Variants in RBFOX1 observed in about 807,000 individuals in gnomAD.
RBFOX1 encodes RNA binding protein fox-1 homolog 1.
RBFOX1 carries 8 observed loss-of-function variants against 57.7 expected under a neutral mutation model. That is an observed-to-expected ratio of 0.14 (90% CI 0.08 to 0.25). The LOEUF is 0.25. RBFOX1 is among the 10% of genes least tolerant of loss of function. RBFOX1 has a pLI of 1.00. For synonymous variants in RBFOX1, 326 were observed against 222.4 expected (o/e 1.47, Z -4.15); for missense variants, 611 against 548.5 (o/e 1.11, Z -1.14).
intron 1 of RBFOX1, among the ~76,000 whole-genome samples, chr16:5,389,536 C>T (rs1035280980): frequency 6.6e-6 from 1 of 152,164 alleles, no homozygotes. Flanking sequence ...AATTGACATA[C>T]TCCTGTGTAT....
intron 4 of RBFOX1, among the ~76,000 whole-genome samples, chr16:7,505,584 G>A (rs1018759240): frequency 6.6e-6 from 1 of 152,198 alleles, no homozygotes; most frequent in Admixed American, 6.5e-5. Flanking sequence ...TTAAAGAGTT[G>A]AGAAAAACAG....
At chr16:7,387,082 T>C (rs767292624) in intron 4 of RBFOX1, among the ~76,000 whole-genome samples, 3 of 152,176 alleles carry the variant, frequency 2.0e-5, no homozygotes, top group Non-Finnish European at 4.4e-5. Context: ...GTTGTTTTTT[T>C]CTTGTAAATT....
At chr16:5,312,315 T>C (rs974891789) in intron 1 of RBFOX1, among the ~76,000 whole-genome samples, 2 of 152,140 alleles carry the variant, frequency 1.3e-5, no homozygotes, top group Non-Finnish European at 2.9e-5. Context: ...GACATGTCTT[T>C]TTCCTTTTTC....
At chr16:6,523,682 G>T (rs772408252) in intron 2 of RBFOX1, among the ~76,000 whole-genome samples, 1 of 151,994 alleles carries the variant, frequency 6.6e-6, no homozygotes. Flanking sequence ...GTCATGAATT[G>T]TTCAAATCTG....
intron 1 of RBFOX1, among the ~76,000 whole-genome samples, chr16:6,178,758 T>C (rs1188702261): frequency 6.6e-6 from 1 of 152,214 alleles, no homozygotes; most frequent in Non-Finnish European, 1.5e-5. Flanking sequence ...TGGATTAAAA[T>C]ATCTGTGTTT....
intron 2 of RBFOX1, among the ~76,000 whole-genome samples, chr16:5,596,248 A>G (rs1427690750): frequency 3.3e-5 from 5 of 152,100 alleles, no homozygotes; most frequent in African/African-American, 4.8e-5. Flanking sequence ...TAACTTGTCT[A>G]TTTCCAGGCT....
rs1325415085 is a variant in RBFOX1 at position 6,079,161 on chromosome 16, T to G, written c.-127+59169T>G. ...TCATCTCTACTGAAAATAAAGAAAATTACCAGCCGCATTACATGCCTGTAA... is the reference window on the plus strand; with the variant it reads ...TCATCTCTACTGAAAATAAAGAAAAGTACCAGCCGCATTACATGCCTGTAA... On this transcript the variant is annotated intron_variant, in intron 1 of 15. Coordinates refer to ENST00000550418, the MANE Select transcript of RBFOX1 (RefSeq NM_018723.4). Among the ~76,000 whole-genome samples, 5 of 34,674 alleles carry G rather than the reference T, an allele frequency of 1.4e-4. No individual in the cohort carries two copies. In the East Asian group the frequency reaches 5.4e-3, roughly 37 times the overall value. The allele number at this position is 34,674 out of a possible 152,430, so 22.7% of individuals were successfully genotyped here. A position where few individuals can be genotyped will look rare whatever the true frequency, so the allele number is the denominator to read the frequency against.
At chr16:5,542,141 G>A (rs1250665276) in intron 2 of RBFOX1, among the ~76,000 whole-genome samples, 1 of 151,818 alleles carries the variant, frequency 6.6e-6, no homozygotes, top group Non-Finnish European at 1.5e-5. Context: ...AGCATGGGAT[G>A]TCTTTCAAGA....
chr16:5,791,049 A>AG (rs1388851899), intron 3 of RBFOX1, among the ~76,000 whole-genome samples: 2 of 151,988 alleles, frequency 1.3e-5, no homozygotes, highest in African/African-American at 4.8e-5. Context: ...TTATATTTGT[A>AG]GTAGAGATGG....
chr16:6,949,403 G>T (rs377316137), intron 3 of RBFOX1, among the ~76,000 whole-genome samples: 6 of 152,242 alleles, frequency 3.9e-5, no homozygotes, highest in African/African-American at 1.4e-4. Flanking sequence ...GTATTAGCTG[G>T]CTAGGGGCAC....
intron 3 of RBFOX1, among the ~76,000 whole-genome samples, chr16:6,830,159 T>C (rs2092601864): frequency 6.6e-6 from 1 of 152,032 alleles, no homozygotes; most frequent in South Asian, 2.1e-4. Flanking sequence ...TCAGGTGATC[T>C]GCCCACCTAA....
At chr16:7,128,970 G>C (rs1475804319) in intron 4 of RBFOX1, among the ~76,000 whole-genome samples, 1 of 151,838 alleles carries the variant, frequency 6.6e-6, no homozygotes, top group African/African-American at 2.4e-5. Flanking sequence ...ACAGGTGCAT[G>C]ACACCACGCC....
chr16:5,990,484 C>T (rs1309712440), intron 4 of RBFOX1, among the ~76,000 whole-genome samples: 2 of 152,210 alleles, frequency 1.3e-5, no homozygotes, highest in African/African-American at 4.8e-5. Flanking sequence ...TCTGGCTTGA[C>T]CTATTCCATT....
chr16:5,833,165 T>A (rs1485957188), intron 3 of RBFOX1, among the ~76,000 whole-genome samples: 1 of 152,126 alleles, frequency 6.6e-6, no homozygotes, highest in Non-Finnish European at 1.5e-5. Context: ...TGACATCTCC[T>A]CCTAATTTTC....
chr16:6,013,045 A>G (rs928203214), intron 4 of RBFOX1, among the ~76,000 whole-genome samples: 3 of 152,122 alleles, frequency 2.0e-5, no homozygotes, highest in African/African-American at 4.8e-5. Flanking sequence ...TAATATGTTA[A>G]TTATATCATC....
chr16:7,029,287 C>CATATATATATACGTATATGT (rs2042173523), intron 3 of RBFOX1, among the ~76,000 whole-genome samples: 1 of 102,272 alleles, frequency 9.8e-6, no homozygotes, highest in Non-Finnish European at 2.0e-5. Context: ...TATATATACA[C>CATATATATATACGTATATGT]ATATATATAT....
intron 3 of RBFOX1, among the ~76,000 whole-genome samples, chr16:6,930,826 T>A (rs536903163): frequency 3.3e-5 from 5 of 152,268 alleles, no homozygotes; most frequent in Non-Finnish European, 5.9e-5. Context: ...GCAAATGTCA[T>A]CTTGTAAGAG....
At chr16:6,756,407 C>G (rs2075796400) in intron 3 of RBFOX1, among the ~76,000 whole-genome samples, 1 of 151,942 alleles carries the variant, frequency 6.6e-6, no homozygotes. Flanking sequence ...CTGGCCTAGG[C>G]AAAGATTTTA....
At chr16:6,610,330 C>A (rs1330006407) in intron 2 of RBFOX1, among the ~76,000 whole-genome samples, 1 of 151,960 alleles carries the variant, frequency 6.6e-6, no homozygotes, top group Non-Finnish European at 1.5e-5. Flanking sequence ...CATTGACATT[C>A]TTATTTTTTT....
Sources: allele counts gnomAD v4.1 joint callset (sites outside exome capture counted in the v4.1 genomes callset), GRCh38; gene constraint gnomAD v4.1.1; transcripts MANE v1.5; gene names NCBI Gene and HGNC (gene_info 2026-07-23, HGNC 2026-07-21).